REV3L: variants seen among roughly 807,000 people sequenced by gnomAD.
REV3L encodes DNA polymerase zeta catalytic subunit.
Under a neutral mutation model 299.4 loss-of-function variants are expected in REV3L, and 69 were observed. That is an observed-to-expected ratio of 0.23 (90% CI 0.19 to 0.28). REV3L has a LOEUF of 0.28. Ranked by LOEUF, REV3L falls within the 10% of genes least tolerant of loss-of-function variation. The pLI is 1.00. For missense variants in REV3L, 3,128 were observed against 3,693.8 expected (o/e 0.85, Z 3.97); for synonymous variants, 1,238 against 1,271.4 (o/e 0.97, Z 0.56).
At chr6:111,317,066 A>G (rs559136764) in intron 26 of REV3L, among the ~76,000 whole-genome samples, 3 of 152,346 alleles carry the variant, frequency 2.0e-5, no homozygotes, top group African/African-American at 7.2e-5. Context: ...ATCTTCACTT[A>G]TATTTCTAGT....
chr6:111,396,590 G>C (rs2128262351), intron 4 of REV3L, among the ~76,000 whole-genome samples: 1 of 152,198 alleles, frequency 6.6e-6, no homozygotes, highest in East Asian at 1.9e-4. Flanking sequence ...TCTAAGTATG[G>C]CAGGATTCAG....
intron 13 of REV3L, among the ~76,000 whole-genome samples, 199 bp from the exon 14 acceptor site, chr6:111,368,227 A>G (rs916469232): frequency 3.9e-5 from 6 of 152,138 alleles, no homozygotes; most frequent in African/African-American, 1.4e-4. Context: ...ACTACTACTT[A>G]ATTTCCTTTG....
chr6:111,454,005 A>G lies in REV3L; in HGVS notation c.139+28745T>C, dbSNP rs9481151. The stretch of plus-strand genomic sequence containing the variant: ...AGTCTCAAAAAAATAAAAAATAAGA[A>G]AATAAAAAAGTTATGTGCTATGTTT... On this transcript the variant is annotated intron_variant, in intron 1 of 31. Transcript: ENST00000368802. 3.6e-3 allele frequency among the ~76,000 whole-genome samples: 553 copies of G among 152,184 alleles called. 3 individuals are homozygous for G. The highest frequency in any genetic ancestry group is 0.013 in the African/African-American group (534 of 41,536).
At chr6:111,368,505 C>A (rs371195218) in intron 13 of REV3L, among the ~76,000 whole-genome samples, 7 of 152,232 alleles carry the variant, frequency 4.6e-5, no homozygotes, top group East Asian at 1.9e-4. Flanking sequence ...AATGAATCTT[C>A]GTACTCTCAA....
intron 1 of REV3L, among the ~76,000 whole-genome samples, chr6:111,434,645 C>T (rs1787341477): frequency 2.7e-5 from 4 of 150,546 alleles, no homozygotes; most frequent in Admixed American, 2.6e-4. Context: ...ATCAATGAAT[C>T]CAGTAAAGTT....
At chr6:111,479,590 G>A (rs1299442356) in intron 1 of REV3L, among the ~76,000 whole-genome samples, 1 of 146,630 alleles carries the variant, frequency 6.8e-6, no homozygotes, top group Non-Finnish European at 1.5e-5. Flanking sequence ...GCTCACTGCA[G>A]CCTCAACCTT....
intron 16 of REV3L, among the ~76,000 whole-genome samples, chr6:111,362,318 A>G (rs1199250078): frequency 6.6e-6 from 1 of 152,210 alleles, no homozygotes; most frequent in Non-Finnish European, 1.5e-5. Flanking sequence ...AGAACAAAGG[A>G]GGACAATATT....
intron 1 of REV3L, chr6:111,430,507 G>A (rs991362062): frequency 4.5e-6 from 7 of 1,554,002 alleles, no homozygotes; most frequent in South Asian, 1.1e-5. Context: ...TTGCACTCGG[G>A]GATGAAAATT....
intron 1 of REV3L, among the ~76,000 whole-genome samples, chr6:111,460,701 C>T (rs994468597): frequency 6.6e-6 from 1 of 152,030 alleles, no homozygotes; most frequent in Non-Finnish European, 1.5e-5. Context: ...ACAGTATAAA[C>T]GGTATAAATG....
Position 111,387,871 on chromosome 6 carries a change from C to T in REV3L, c.990G>A (p.Glu330=). Residue 330 remains glutamate, a synonymous_variant, in exon 9 of 32, where the codon GAG becomes GAA. Coordinates refer to ENST00000368802, the MANE Select transcript of REV3L (RefSeq NM_001372078.1). ...AGTGCAATGTTAACTCAGCAGAGAA[C>T]TCCTGGGATCCATCGCTGTAGTCCA... ...GSVDYSDGSQ[E]FSAELTLHSE... is the part of the protein sequence containing the mutation. 1 of 1,613,908 alleles carries T rather than the reference C, an allele frequency of 6.2e-7. No homozygotes were observed. Among genetic ancestry groups the T allele is most frequent in the East Asian group, 2.2e-5 (1 of 44,836 alleles).
chr6:111,455,781 T>C (rs781439733), intron 1 of REV3L, among the ~76,000 whole-genome samples: 5 of 152,222 alleles, frequency 3.3e-5, no homozygotes, highest in Non-Finnish European at 5.9e-5. Flanking sequence ...TTAAAAATTA[T>C]TGACAAAAAC....
chr6:111,349,123 C>T (rs930362153), intron 20 of REV3L, 95 bp downstream of exon 20: 1 of 662,106 alleles, frequency 1.5e-6, no homozygotes. Context: ...AACGCATAAG[C>T]TATATAGTAA....
At chr6:111,474,986 T>TAC (rs1362668998) in intron 1 of REV3L, among the ~76,000 whole-genome samples, 209 of 18,110 alleles carry the variant, frequency 0.012, no homozygotes, top group African/African-American at 0.03. Context: ...GCTGCCTATA[T>TAC]ATACACACAC....
chr6:111,327,300 C>T (rs1285178236), intron 25 of REV3L, among the ~76,000 whole-genome samples: 2 of 152,116 alleles, frequency 1.3e-5, no homozygotes, highest in African/African-American at 2.4e-5. Context: ...AGCATGGTCG[C>T]TCACACCTGT....
At chr6:111,390,014 G>A (rs1052533330) in intron 6 of REV3L, 72 bp downstream of exon 6, 53 of 1,056,710 alleles carry the variant, frequency 5.0e-5, no homozygotes, top group Non-Finnish European at 6.4e-5. Flanking sequence ...GATTACAGGC[G>A]TGAGCCACCA....
intron 1 of REV3L, among the ~76,000 whole-genome samples, chr6:111,466,533 A>C (rs886216168): frequency 1.3e-5 from 2 of 152,208 alleles, no homozygotes; most frequent in African/African-American, 4.8e-5. Flanking sequence ...GACACATTAC[A>C]AACTCGGAAA....
chr6:111,462,170 T>C (rs1161761695), intron 1 of REV3L, among the ~76,000 whole-genome samples: 1 of 152,180 alleles, frequency 6.6e-6, no homozygotes, highest in Non-Finnish European at 1.5e-5. Context: ...TCTCAGTATC[T>C]GGTCTGCAAC....
intron 17 of REV3L, among the ~76,000 whole-genome samples, chr6:111,358,287 G>C (rs1190880840): frequency 6.6e-6 from 1 of 152,062 alleles, no homozygotes; most frequent in African/African-American, 2.4e-5. Flanking sequence ...CTATCAGCAG[G>C]AAAATACCTG....
At chr6:111,469,428 A>G (rs1412815000) in intron 1 of REV3L, among the ~76,000 whole-genome samples, 2 of 152,220 alleles carry the variant, frequency 1.3e-5, no homozygotes, top group African/African-American at 4.8e-5. Flanking sequence ...ATGCCACGCT[A>G]GTTAGTGCAT....
Sources: gnomAD v4.1 joint callset for allele counts (sites outside exome capture counted in the v4.1 genomes callset) on GRCh38, gnomAD v4.1.1 for gene constraint, MANE v1.5 for transcripts, NCBI Gene and HGNC (gene_info 2026-07-23, HGNC 2026-07-21) for gene names.